PAX5: variants seen among roughly 807,000 people sequenced by gnomAD.
PAX5 encodes paired box 5.
A neutral mutation model predicts 43.7 loss-of-function variants in PAX5; 9 were observed. The ratio of observed to expected loss-of-function variants is 0.21; its 90% CI spans 0.12 to 0.36. The LOEUF (loss-of-function observed/expected upper bound fraction) is 0.36, where lower values mean the gene tolerates loss of function less well. PAX5 is among the 10% of genes least tolerant of loss of function. The pLI is 1.00. For missense variants in PAX5, 383 were observed against 532.7 expected, an observed-to-expected ratio of 0.72 and a Z score of 2.77; for synonymous variants, 228 against 214.3, an observed-to-expected ratio of 1.06 and a Z score of -0.56.
intron 9 of PAX5, among the ~76,000 whole-genome samples, chr9:36,845,948 G>A (rs1402638852): frequency 6.6e-6 from 1 of 152,202 alleles, no homozygotes; most frequent in Non-Finnish European, 1.5e-5. Flanking sequence ...TTCCATGTCT[G>A]ACCTTTTACT....
chr9:36,898,436 G>A (rs1828063039), intron 7 of PAX5, among the ~76,000 whole-genome samples: 1 of 152,070 alleles, frequency 6.6e-6, no homozygotes, highest in Non-Finnish European at 1.5e-5. Flanking sequence ...TGTGTAAAGG[G>A]CCTCTCTTCT....
intron 6 of PAX5, among the ~76,000 whole-genome samples, chr9:36,934,326 C>T (rs1200423160): frequency 1.3e-5 from 2 of 152,166 alleles, no homozygotes; most frequent in Non-Finnish European, 2.9e-5. Context: ...TTTTGAGTCC[C>T]CAGTGCTAGA....
At chr9:36,894,776 T>A (rs1310703435) in intron 7 of PAX5, among the ~76,000 whole-genome samples, 1 of 152,206 alleles carries the variant, frequency 6.6e-6, no homozygotes, top group African/African-American at 2.4e-5. Flanking sequence ...CCTCGGGCCA[T>A]CCCAAAAGCA....
rs890303061 is a variant in PAX5, at chr9:36,930,796, T to G, written c.781-7312A>C. On this transcript the variant is annotated intron_variant, in intron 6 of 9. Transcript: ENST00000358127. Reference sequence around the variant, plus strand: ...ACACCACTTTGGAAACTAAGCAATATGAGAGGTTCAGGAATTCTAGCAAGG... The same window carrying G: ...ACACCACTTTGGAAACTAAGCAATAGGAGAGGTTCAGGAATTCTAGCAAGG... 3.1e-6 allele frequency: 4 copies of G among 1,282,616 alleles called. No individual in the cohort carries two copies. The African/African-American group carries it at 6.1e-5, about 20-fold the overall frequency. 79.5% of individuals were successfully genotyped at this position (1,282,616 alleles called of 1,614,324 possible).
intron 6 of PAX5, among the ~76,000 whole-genome samples, chr9:36,924,395 C>T (rs779251469): frequency 1.3e-5 from 2 of 152,140 alleles, no homozygotes; most frequent in East Asian, 3.9e-4. Flanking sequence ...CTCTTCCTCC[C>T]ACCCCACCCC....
At chr9:37,019,010 A>G (rs1839631548) in intron 2 of PAX5, among the ~76,000 whole-genome samples, 1 of 152,072 alleles carries the variant, frequency 6.6e-6, no homozygotes. Context: ...AAAAACAAAG[A>G]AAGGGCCTTC....
At chr9:36,958,850 C>A (rs1225133943) in intron 6 of PAX5, among the ~76,000 whole-genome samples, 1 of 152,226 alleles carries the variant, frequency 6.6e-6, no homozygotes, top group Non-Finnish European at 1.5e-5. Flanking sequence ...CAGCCTACTC[C>A]TCCCCCATGG....
At chr9:36,982,328 G>A (rs1053129286) in intron 5 of PAX5, among the ~76,000 whole-genome samples, 1 of 152,068 alleles carries the variant, frequency 6.6e-6, no homozygotes, top group African/African-American at 2.4e-5. Context: ...GTACAAAGAG[G>A]GGTACCTGGC....
chr9:36,977,308 G>A lies in PAX5; in HGVS notation c.605-10584C>T, dbSNP rs1030285192. ...GCCTAGTCACAAGATCTAAAGATTG[G>A]GGGGGTGGGGGGAGGGAAGAAAAAA... On this transcript the variant is annotated intron_variant, in intron 5 of 9. Coordinates refer to ENST00000358127, the MANE Select transcript of PAX5 (RefSeq NM_016734.3). Among the ~76,000 whole-genome samples, 6 of 138,966 alleles carry A rather than the reference G, an allele frequency of 4.3e-5. No individual in the cohort carries two copies. The Admixed American group carries it at 4.4e-4, about 10-fold the overall frequency. The allele number at this position is 138,966 out of a possible 152,430, so 91.2% of individuals were successfully genotyped here. A position where few individuals can be genotyped will look rare whatever the true frequency, so the allele number is the denominator to read the frequency against.
intron 7 of PAX5, among the ~76,000 whole-genome samples, chr9:36,901,862 AT>A (rs1828424032): frequency 6.6e-6 from 1 of 152,220 alleles, no homozygotes; most frequent in Non-Finnish European, 1.5e-5. Flanking sequence ...GATCTGAAAA[AT>A]AACAGATGTA....
chr9:36,887,554 A>G (rs1259821047), intron 7 of PAX5, among the ~76,000 whole-genome samples: 1 of 152,260 alleles, frequency 6.6e-6, no homozygotes. Flanking sequence ...AGAAGAAAAT[A>G]CAGGTGAATT....
intron 5 of PAX5, among the ~76,000 whole-genome samples, chr9:36,988,200 G>T (rs1295919736): frequency 6.6e-6 from 1 of 152,142 alleles, no homozygotes; most frequent in Non-Finnish European, 1.5e-5. Flanking sequence ...CTTCTCCAGT[G>T]TCGTGTCAGG....
intron 7 of PAX5, among the ~76,000 whole-genome samples, chr9:36,911,030 A>G (rs1829239023): frequency 6.6e-6 from 1 of 152,204 alleles, no homozygotes; most frequent in East Asian, 1.9e-4. Context: ...AAAGCTTCTC[A>G]ACATTTAGAT....
At chr9:36,987,984 G>A (rs1836585975) in intron 5 of PAX5, among the ~76,000 whole-genome samples, 1 of 152,194 alleles carries the variant, frequency 6.6e-6, no homozygotes, top group African/African-American at 2.4e-5. Context: ...GTGCTGGATG[G>A]CGTTTGTGTC....
chr9:36,834,150 T>A lies in PAX5; in HGVS notation c.*6410A>T, dbSNP rs558143551. 4.3e-6 allele frequency: 1 copy of A among 233,314 alleles called. No individual in the cohort carries two copies. Among genetic ancestry groups the A allele is most frequent in the East Asian group, 6.0e-5 (1 of 16,600 alleles). 14.5% of individuals were successfully genotyped at this position (233,314 alleles called of 1,614,324 possible). On this transcript the variant is annotated 3_prime_UTR_variant, in exon 10 of 10. Transcript: ENST00000358127. ...GGGCAAACCCAGAGCCAAAACTCCATCCTCAGCCCAACCTTGGAGGCCCAG... is the reference window on the plus strand; with the variant it reads ...GGGCAAACCCAGAGCCAAAACTCCAACCTCAGCCCAACCTTGGAGGCCCAG...
intron 8 of PAX5, among the ~76,000 whole-genome samples, chr9:36,863,714 CTCTGTGAAA>C (rs141680819): frequency 0.036 from 5,511 of 152,290 alleles, 201 homozygotes; most frequent in East Asian, 0.13. Flanking sequence ...CCACTTCCTA[CTCTGTGAAA>C]TGGGATAACA....
intron 9 of PAX5, 121 bp downstream of exon 9, chr9:36,846,722 C>T (rs938944229): frequency 6.2e-6 from 4 of 648,320 alleles, no homozygotes; most frequent in Non-Finnish European, 2.7e-6. Context: ...TGTGTCTGGG[C>T]AAGCTACCCA....
intron 6 of PAX5, among the ~76,000 whole-genome samples, chr9:36,964,869 G>A (rs928214065): frequency 3.3e-5 from 5 of 152,118 alleles, no homozygotes; most frequent in Non-Finnish European, 7.4e-5. Flanking sequence ...GGTGTCACTC[G>A]ACTTGTAAGA....
At chr9:37,011,267 G>A (rs1333697408) in intron 3 of PAX5, among the ~76,000 whole-genome samples, 3 of 152,156 alleles carry the variant, frequency 2.0e-5, no homozygotes, top group African/African-American at 7.2e-5. Flanking sequence ...TTGTTAGCCT[G>A]CACAGTATAT....
Sources: gnomAD v4.1 joint callset for allele counts (sites outside exome capture counted in the v4.1 genomes callset) on GRCh38, gnomAD v4.1.1 for gene constraint, MANE v1.5 for transcripts, NCBI Gene and HGNC (gene_info 2026-07-23, HGNC 2026-07-21) for gene names.